HIGD1C: variants seen among roughly 807,000 people sequenced by gnomAD.
The protein encoded by HIGD1C is HIG1 hypoxia inducible domain family member 1C, also known as HIG1 domain family member 1C.
HIGD1C carries 11 observed loss-of-function variants against 13.1 expected under a neutral mutation model. That is an observed-to-expected ratio of 0.84 (90% CI 0.53 to 1.39). The LOEUF (loss-of-function observed/expected upper bound fraction) is 1.39. Among genes scored for constraint, HIGD1C ranks in the 40% most tolerant of loss-of-function variants. The pLI, the probability that HIGD1C is intolerant of heterozygous loss-of-function variation, is 0.00. For missense variants in HIGD1C, 110 were observed against 112.0 expected, an observed-to-expected ratio of 0.98 and a Z score of 0.08; for synonymous variants, 36 against 37.7, an observed-to-expected ratio of 0.95 and a Z score of 0.17.
At chr12:50,941,006 G>A in the HIGD1C span, among the ~76,000 whole-genome samples, 1 of 151,616 alleles carries the variant, frequency 6.6e-6, no homozygotes, top group Admixed American at 6.6e-5. Flanking sequence ...CACCATGCCC[G>A]GCTAATTTAT....
intron 1 of HIGD1C, among the ~76,000 whole-genome samples, chr12:50,955,798 A>C (rs1425690826): frequency 6.6e-6 from 1 of 152,240 alleles, no homozygotes. Flanking sequence ...ACTCAATGCT[A>C]CTTGAACAGA....
the HIGD1C span, among the ~76,000 whole-genome samples, chr12:50,942,113 C>T: frequency 2.0e-5 from 3 of 152,142 alleles, no homozygotes; most frequent in Non-Finnish European, 4.4e-5. Flanking sequence ...AACTCCTGAG[C>T]TCAAGCAATC....
At chr12:50,960,709 G>A (rs1459180156) in intron 1 of HIGD1C, among the ~76,000 whole-genome samples, 1 of 151,720 alleles carries the variant, frequency 6.6e-6, no homozygotes, top group Admixed American at 6.6e-5. Context: ...TAGAGACAGG[G>A]TCTCACTCTG....
chr12:50,954,210 A>T, intron 1 of HIGD1C, 118 bp downstream of exon 3: 1 of 633,318 alleles, frequency 1.6e-6, no homozygotes, highest in Non-Finnish European at 2.8e-6. Flanking sequence ...ATTGAAGCTA[A>T]CCTCCTCTAA....
intron 2 of HIGD1C, among the ~76,000 whole-genome samples, chr12:50,961,537 T>C (rs1016111888): frequency 1.3e-5 from 2 of 152,198 alleles, no homozygotes; most frequent in Admixed American, 6.5e-5. Flanking sequence ...ACAAATCTCA[T>C]CTGCCTTCTT....
chr12:50,958,015 A>G (rs186112402), intron 1 of HIGD1C, among the ~76,000 whole-genome samples: 160 of 144,866 alleles, frequency 1.1e-3, no homozygotes, highest in African/African-American at 4.0e-3. Context: ...CATTTTGGCC[A>G]GGCTGGTCCC....
the HIGD1C span, among the ~76,000 whole-genome samples, chr12:50,941,977 C>CTCCTGAGTTCAAGCAATT: frequency 6.6e-6 from 1 of 152,236 alleles, no homozygotes; most frequent in African/African-American, 2.4e-5. Flanking sequence ...CAACTACCAC[C>CTCCTGAGTTCAAGCAATT]CTCCAGGCTC....
chr12:50,955,635 T>A (rs918351643), intron 1 of HIGD1C, among the ~76,000 whole-genome samples: 3 of 152,248 alleles, frequency 2.0e-5, no homozygotes, highest in Non-Finnish European at 4.4e-5. Flanking sequence ...CTAAGTGTCA[T>A]TATTCACATA....
the HIGD1C span, among the ~76,000 whole-genome samples, chr12:50,934,624 A>G: frequency 2.6e-5 from 4 of 152,226 alleles, no homozygotes; most frequent in Admixed American, 6.5e-5. Flanking sequence ...AATCTGACCT[A>G]TCCAAGAGGA....
intron 1 of HIGD1C, among the ~76,000 whole-genome samples, chr12:50,956,376 A>G (rs1392111125): frequency 1.3e-5 from 2 of 152,186 alleles, no homozygotes; most frequent in African/African-American, 4.8e-5. Context: ...TGGGCAACAG[A>G]GCGAGACTCC....
chr12:50,945,972 A>C, the HIGD1C span, among the ~76,000 whole-genome samples: 2 of 152,070 alleles, frequency 1.3e-5, no homozygotes, highest in African/African-American at 2.4e-5. Flanking sequence ...CAAAAACAAG[A>C]AATGGGGAAA....
the HIGD1C span, among the ~76,000 whole-genome samples, chr12:50,943,234 C>T: frequency 1.8e-4 from 27 of 152,100 alleles, no homozygotes; most frequent in Non-Finnish European, 2.6e-4. Context: ...TTGGTCCTCA[C>T]GCTTTATCCT....
chr12:50,957,385 G>C (rs1939138266), intron 1 of HIGD1C, among the ~76,000 whole-genome samples: 1 of 151,368 alleles, frequency 6.6e-6, no homozygotes, highest in African/African-American at 2.4e-5. Flanking sequence ...TTTTAGTAGA[G>C]ACAGGGTTTT....
chr12:50,932,003 C>T, the HIGD1C span: 1 of 152,140 alleles, frequency 6.6e-6, no homozygotes, highest in Non-Finnish European at 1.5e-5. Context: ...CAGTATTCCA[C>T]CAAAGTTTGT....
chr12:50,964,530 T>C (rs1452203348), intron 2 of HIGD1C, among the ~76,000 whole-genome samples: 1 of 152,230 alleles, frequency 6.6e-6, no homozygotes, highest in Non-Finnish European at 1.5e-5. Context: ...TAAAGGGATG[T>C]CCTGTGTAAT....
At chr12:50,966,005 A>G (rs560731855) in intron 2 of HIGD1C, among the ~76,000 whole-genome samples, 31 of 152,312 alleles carry the variant, frequency 2.0e-4, no homozygotes, top group African/African-American at 6.3e-4. Flanking sequence ...GCTTCTGCCC[A>G]TAAGTTTCAG....
At chr12:50,972,214 T>C (rs1046604442), downstream of HIGD1C, among the ~76,000 whole-genome samples, 3 of 152,230 alleles carry the variant, frequency 2.0e-5, no homozygotes, top group African/African-American at 7.2e-5. Flanking sequence ...TCTCAATATG[T>C]ACTCAGCACT....
At chr12:50,938,474 G>A in the HIGD1C span, among the ~76,000 whole-genome samples, 5 of 152,158 alleles carry the variant, frequency 3.3e-5, no homozygotes, top group African/African-American at 7.2e-5. Context: ...CCAGAACCGT[G>A]GCTGGCCAGC....
chr12:50,962,612 G>A (rs1033699019), intron 2 of HIGD1C, among the ~76,000 whole-genome samples: 4 of 152,070 alleles, frequency 2.6e-5, no homozygotes, highest in Admixed American at 1.3e-4. Flanking sequence ...CAAGAGAATC[G>A]CTTGAACCTG....
Sources: gnomAD v4.1 joint callset for allele counts (sites outside exome capture counted in the v4.1 genomes callset) on GRCh38, gnomAD v4.1.1 for gene constraint, MANE v1.5 for transcripts, NCBI Gene and HGNC (gene_info 2026-07-23, HGNC 2026-07-21) for gene names.